The following FUT8 variants were observed in gnomAD, a reference collection of about 807,000 sequenced individuals.
FUT8 encodes the protein alpha-(1,6)-fucosyltransferase.
FUT8 carries 29 observed loss-of-function variants against 71.3 expected under a neutral mutation model. The ratio of observed to expected loss-of-function variants is 0.41; its 90% confidence interval spans 0.30 to 0.55. The LOEUF is 0.55. FUT8 is among the 20% of genes least tolerant of loss of function. FUT8 has a pLI of 0.34. For synonymous variants in FUT8, 254 were observed against 239.3 expected (o/e 1.06, Z -0.57); for missense variants, 544 against 702.1 (o/e 0.77, Z 2.55).
At chr14:65,465,902 C>CT (rs568684148) in intron 2 of FUT8, among the ~76,000 whole-genome samples, 55 of 152,226 alleles carry the variant, frequency 3.6e-4, no homozygotes, top group African/African-American at 1.3e-3. Context: ...TGTGTTTCTC[C>CT]TTGTAGTTCT....
At chr14:65,641,156 G>A (rs969824279) in intron 6 of FUT8, among the ~76,000 whole-genome samples, 21 of 152,080 alleles carry the variant, frequency 1.4e-4, no homozygotes, top group African/African-American at 4.6e-4. Context: ...GCTCATGTCC[G>A]TTTGTGTTTC....
chr14:65,422,748 TCCTC>T (rs1301915045), intron 1 of FUT8, among the ~76,000 whole-genome samples: 3 of 152,146 alleles, frequency 2.0e-5, no homozygotes, highest in Admixed American at 1.3e-4. Flanking sequence ...CCTTAGGTGA[TCCTC>T]CCACCTGGGC....
At chr14:65,633,498 C>T (rs1398792638) in intron 6 of FUT8, among the ~76,000 whole-genome samples, 2 of 150,212 alleles carry the variant, frequency 1.3e-5, no homozygotes, top group African/African-American at 4.9e-5. Context: ...AAGTGAGGAG[C>T]GTCTCTGCCC....
intron 6 of FUT8, among the ~76,000 whole-genome samples, chr14:65,634,606 G>C (rs111993727): frequency 2.0e-5 from 3 of 146,896 alleles, no homozygotes; most frequent in Non-Finnish European, 4.5e-5. Context: ...TTCCCCACTT[G>C]TTTGCTTTGT....
At chr14:65,635,213 A>G (rs1347684505) in intron 6 of FUT8, among the ~76,000 whole-genome samples, 3 of 152,150 alleles carry the variant, frequency 2.0e-5, no homozygotes, top group African/African-American at 7.2e-5. Context: ...ACTCTACTGA[A>G]TTCTTCCTCA....
chr14:65,370,638 G>A, the FUT8 span, among the ~76,000 whole-genome samples: 1 of 150,012 alleles, frequency 6.7e-6, no homozygotes, highest in Non-Finnish European at 1.5e-5. Context: ...GGTACAATTT[G>A]TCTATATATA....
chr14:65,383,899 A>T, the FUT8 span, among the ~76,000 whole-genome samples: 1 of 151,140 alleles, frequency 6.6e-6, no homozygotes, highest in Non-Finnish European at 1.5e-5. Context: ...GTCCCATGGG[A>T]TGAAACACTG....
chr14:65,388,725 G>A, the FUT8 span, among the ~76,000 whole-genome samples: 2 of 152,066 alleles, frequency 1.3e-5, no homozygotes, highest in African/African-American at 4.8e-5. Context: ...TCGCGCCACT[G>A]CACTCCAGCC....
intron 6 of FUT8, among the ~76,000 whole-genome samples, chr14:65,663,677 C>T (rs1892076409): frequency 6.6e-6 from 1 of 152,046 alleles, no homozygotes; most frequent in Non-Finnish European, 1.5e-5. Context: ...AATGGATTTT[C>T]CCTCTTTCTT....
Position 65,669,601 on chromosome 14 carries a change from A to T in FUT8, c.835+121A>T. Reference sequence around the variant, plus strand: ...CTTTTCCTCTGGATCCATGAATACTATACATTATCCAGATAAAATCTAGAA... The same window carrying T: ...CTTTTCCTCTGGATCCATGAATACTTTACATTATCCAGATAAAATCTAGAA... On this transcript the variant is annotated intron_variant, in intron 7 of 10. Coordinates refer to ENST00000673929, the MANE Select transcript of FUT8 (RefSeq NM_001371533.1). This position sits in a 1 kb window ranked among gnomAD's most constrained non-coding sequence, Gnocchi z 4.5. The T allele has an allele frequency of 4.6e-6, 3 of 650,886 alleles. No homozygotes were observed. The allele number at this position is 650,886 out of a possible 1,614,324, so 40.3% of individuals were successfully genotyped here.
At chr14:65,692,361 ACC>A (rs1323318237) in intron 7 of FUT8, among the ~76,000 whole-genome samples, 2 of 100,354 alleles carry the variant, frequency 2.0e-5, no homozygotes, top group Admixed American at 1.0e-4. Context: ...CGGGGGGCTG[ACC>A]CCCCCACCTC....
intron 7 of FUT8, among the ~76,000 whole-genome samples, chr14:65,686,453 C>G (rs927915867): frequency 6.6e-6 from 1 of 152,136 alleles, no homozygotes; most frequent in African/African-American, 2.4e-5. Flanking sequence ...TATCATGGAA[C>G]TGTGGTTCCT....
Position 65,732,087 on chromosome 14 carries a change from A to G in FUT8, c.1260-1144A>G, listed in dbSNP as rs567665191. 1.6e-3 allele frequency among the ~76,000 whole-genome samples: 249 copies of G among 152,302 alleles called. 2 individuals carry two copies. In the Middle Eastern group the frequency reaches 0.027, roughly 17 times the overall value. ...TATTTCTGGTTGTTTTCTTTTCCGA[A>G]CAAATGTGACATTTTCTTCATCTCC... On this transcript the variant is annotated intron_variant, in intron 9 of 10. Coordinates refer to ENST00000673929, the MANE Select transcript of FUT8 (RefSeq NM_001371533.1).
At chr14:65,530,389 C>G (rs1248606614) in intron 2 of FUT8, among the ~76,000 whole-genome samples, 1 of 152,028 alleles carries the variant, frequency 6.6e-6, no homozygotes, top group Admixed American at 6.6e-5. Flanking sequence ...CATTGTTTGT[C>G]CAGTTTTCTA....
At chr14:65,572,100 G>A (rs763037057) in intron 3 of FUT8, among the ~76,000 whole-genome samples, 3 of 152,114 alleles carry the variant, frequency 2.0e-5, no homozygotes, top group Non-Finnish European at 4.4e-5. Flanking sequence ...TAGGAGAGTT[G>A]CAGCTCATAA....
At chr14:65,591,716 T>A (rs1166605413) in intron 3 of FUT8, among the ~76,000 whole-genome samples, 1 of 152,128 alleles carries the variant, frequency 6.6e-6, no homozygotes, top group African/African-American at 2.4e-5. Context: ...AGTTTGAAGC[T>A]AGAATGCTTT....
chr14:65,743,977 A>G lies in FUT8; in HGVS notation c.*1567A>G, dbSNP rs958504627. The G allele has an allele frequency of 4.6e-5, 7 of 151,870 alleles. No individual in the cohort carries two copies. Among genetic ancestry groups the G allele is most frequent in the African/African-American group, 1.7e-4 (7 of 41,398 alleles). 9.4% of individuals were successfully genotyped at this position (151,870 alleles called of 1,614,324 possible). ...CTTCATATCTTCACCAAATGAAAATACTGTATATAAAATTTCACCACCAAA... is the reference window on the plus strand; with the variant it reads ...CTTCATATCTTCACCAAATGAAAATGCTGTATATAAAATTTCACCACCAAA... On this transcript the variant is annotated 3_prime_UTR_variant, in exon 11 of 11. Transcript: ENST00000673929.
At chr14:65,691,034 CT>C (rs1218456750) in intron 7 of FUT8, among the ~76,000 whole-genome samples, 1 of 151,062 alleles carries the variant, frequency 6.6e-6, no homozygotes, top group African/African-American at 2.5e-5. Flanking sequence ...CCACATTTGA[CT>C]TTTGTATATC....
chr14:65,468,344 T>C, intron 2 of FUT8: 1 of 577,654 alleles, frequency 1.7e-6, no homozygotes, highest in Admixed American at 2.0e-5. Flanking sequence ...GTGTTCGTCC[T>C]TTTGGCGAAT....
Sources: gnomAD v4.1 joint callset for allele counts (sites outside exome capture counted in the v4.1 genomes callset) on GRCh38, gnomAD v4.1.1 for gene constraint, Gnocchi (gnomAD v3.1) non-coding constraint, MANE v1.5 for transcripts, NCBI Gene and HGNC (gene_info 2026-07-23, HGNC 2026-07-21) for gene names.